Variants in ATP9A observed in about 807,000 individuals in gnomAD.
The protein encoded by ATP9A is ATPase phospholipid transporting 9A.
ATP9A carries 52 observed loss-of-function variants against 144.1 expected under a neutral mutation model. That is an observed-to-expected ratio of 0.36 (90% CI 0.29 to 0.45). The LOEUF (loss-of-function observed/expected upper bound fraction) is 0.45. Among genes scored for constraint, ATP9A ranks in the 20% least tolerant of loss-of-function variants. ATP9A has a pLI of 1.00. For synonymous variants in ATP9A, 582 were observed against 557.4 expected, an observed-to-expected ratio of 1.04 and a Z score of -0.62; for missense variants, 947 against 1,392.7, an observed-to-expected ratio of 0.68 and a Z score of 5.09.
chr20:51,747,416 A>G (rs1437212509), intron 1 of ATP9A, among the ~76,000 whole-genome samples: 1 of 152,158 alleles, frequency 6.6e-6, no homozygotes, highest in Non-Finnish European at 1.5e-5. Context: ...CGGAAATGAC[A>G]AAGGCACCCC....
At chr20:51,623,962 TCTC>T (rs749356616) in intron 18 of ATP9A, among the ~76,000 whole-genome samples, 8 of 152,062 alleles carry the variant, frequency 5.3e-5, no homozygotes, top group Admixed American at 1.3e-4. Flanking sequence ...GAATAAAATA[TCTC>T]GTCTTGGGCT....
intron 13 of ATP9A, among the ~76,000 whole-genome samples, chr20:51,661,480 C>A (rs1216276763): frequency 3.3e-5 from 5 of 150,996 alleles, no homozygotes; most frequent in African/African-American, 7.3e-5. Flanking sequence ...CCTCCCACCT[C>A]AGCCTTCTGA....
rs577793250 is a variant in ATP9A at position 51,710,246 on chromosome 20, C to T, written c.436+2720G>A. The stretch of plus-strand genomic sequence containing the variant: ...TAAACCCAGGAGGTGGAGGTTGCAG[C>T]GAGCGAAGATCGCGACATTGCACTC... On this transcript the variant is annotated intron_variant, in intron 4 of 27. Transcript: ENST00000338821. 1.2e-3 allele frequency among the ~76,000 whole-genome samples: 175 copies of T among 151,968 alleles called. 1 individual carries two copies. Among genetic ancestry groups the T allele is most frequent in the Non-Finnish European group, 2.0e-3 (134 of 67,994 alleles).
At chr20:51,638,399 A>AC (rs1462890461) in intron 15 of ATP9A, among the ~76,000 whole-genome samples, 6 of 151,652 alleles carry the variant, frequency 4.0e-5, no homozygotes, top group Non-Finnish European at 8.8e-5. Flanking sequence ...GTGAGGAACC[A>AC]CCCCACTCCA....
At chr20:51,692,386 GCA>G (rs999177550) in intron 7 of ATP9A, among the ~76,000 whole-genome samples, 5 of 152,194 alleles carry the variant, frequency 3.3e-5, no homozygotes, top group African/African-American at 9.7e-5. Flanking sequence ...CGTAAGACAG[GCA>G]CAGTCAGGGG....
intron 3 of ATP9A, among the ~76,000 whole-genome samples, chr20:51,717,154 A>C (rs147774745): frequency 7.0e-6 from 1 of 143,222 alleles, no homozygotes; most frequent in African/African-American, 2.6e-5. Flanking sequence ...CCTGGGTGAC[A>C]GAGCAAGACT....
intron 6 of ATP9A, 144 bp from the exon 7 acceptor site, chr20:51,694,246 T>C: frequency 1.7e-6 from 1 of 596,768 alleles, no homozygotes; most frequent in South Asian, 2.1e-5. Flanking sequence ...TATCTCCTAC[T>C]TCTTCCATAA....
chr20:51,642,496 A>G (rs2077323745), intron 14 of ATP9A, among the ~76,000 whole-genome samples: 1 of 151,814 alleles, frequency 6.6e-6, no homozygotes, highest in Admixed American at 6.6e-5. Context: ...ATTTTCTTAC[A>G]GTTCTATAGA....
At chr20:51,619,168 T>C (rs1601060314) in intron 19 of ATP9A, 125 bp from the exon 20 acceptor site, 1 of 729,426 alleles carries the variant, frequency 1.4e-6, no homozygotes, top group Non-Finnish European at 2.3e-6. Flanking sequence ...TCCCCTCCCC[T>C]GCCACCAGAG....
chr20:51,729,309 CAG>C (rs2077729387), intron 2 of ATP9A, among the ~76,000 whole-genome samples: 1 of 152,116 alleles, frequency 6.6e-6, no homozygotes, highest in Non-Finnish European at 1.5e-5. Context: ...CACAGCCTTG[CAG>C]AGAGAAGGCA....
rs753245790 is a variant in ATP9A at position 51,611,023 on chromosome 20, A to G, written c.2572-858T>C. 1.3e-5 allele frequency among the ~76,000 whole-genome samples: 2 copies of G among 152,180 alleles called. No homozygotes were observed. The highest frequency in any genetic ancestry group is 1.9e-4 in the East Asian group (1 of 5,192). On this transcript the variant is annotated intron_variant, in intron 23 of 27. Coordinates refer to ENST00000338821, the MANE Select transcript of ATP9A (RefSeq NM_006045.3). This position sits in a 1 kb window ranked among gnomAD's most constrained non-coding sequence, Gnocchi z 4.2. Reference sequence around the variant, plus strand: ...CTGTTAGCTCCATCTCTGGACCTCTATGGGCTAACAGAGGAAACACGGTCT... The same window carrying G: ...CTGTTAGCTCCATCTCTGGACCTCTGTGGGCTAACAGAGGAAACACGGTCT...
chr20:51,743,394 T>C (rs956167661), intron 1 of ATP9A, among the ~76,000 whole-genome samples: 11 of 116,790 alleles, frequency 9.4e-5, no homozygotes, highest in Non-Finnish European at 1.4e-4. Context: ...AGACCGAAAC[T>C]GATTTTTTTT....
chr20:51,616,932 T>C lies in ATP9A; in HGVS notation c.2415+558A>G, dbSNP rs183495681. On this transcript the variant is annotated intron_variant, in intron 22 of 27. Transcript: ENST00000338821. ...GTATACTTACCATACCCTAAGAATA[T>C]AGAGAAACTTTTTTTTTTTTTTTTT... Among the ~76,000 whole-genome samples the C allele has an allele frequency of 7.3e-4, 106 of 146,130 alleles. 2 individuals carry two copies. The East Asian group carries it at 0.012, about 17-fold the overall frequency.
In ATP9A at chr20:51,657,116, G is replaced by C. The variant is rs756196040; in HGVS notation, c.1328C>G (p.Thr443Arg). ...GGTCCGCCGGACCTTAGTGGTGAGCGTTGGGCCCTTCTGAGCCGGTGGGTC... is the reference window on the plus strand; with the variant it reads ...GGTCCGCCGGACCTTAGTGGTGAGCCTTGGGCCCTTCTGAGCCGGTGGGTC... Reference protein sequence around the residue: ...SQDPPAQKGPTLTTKVRRTMS... With the variant: ...SQDPPAQKGPRLTTKVRRTMS... The change falls in exon 14 of 28, where the codon ACG (threonine) becomes AGG (arginine). Residue 443 changes from threonine (T) to arginine (R), a missense_variant. Around this residue, in one of 2 missense-constraint regions of ATP9A, gnomAD observed 770 missense variants for 1,047.9 expected, o/e 0.73. Coordinates refer to ENST00000338821, the MANE Select transcript of ATP9A (RefSeq NM_006045.3). The C allele has an allele frequency of 1.2e-6, 2 of 1,614,152 alleles. No homozygotes were observed. Among genetic ancestry groups the C allele is most frequent in the Non-Finnish European group, 1.7e-6 (2 of 1,180,038 alleles).
intron 3 of ATP9A, among the ~76,000 whole-genome samples, chr20:51,718,094 T>C (rs2077670163): frequency 6.6e-6 from 1 of 151,898 alleles, no homozygotes; most frequent in African/African-American, 2.4e-5. Context: ...GCCAGGGCAA[T>C]GGATAAGGGG....
chr20:51,635,784 G>T (rs6126274), intron 15 of ATP9A, among the ~76,000 whole-genome samples: 98,612 of 135,954 alleles, frequency 0.73, 37,478 homozygotes, highest in Middle Eastern at 0.84. Context: ...AGAAAAGGAA[G>T]GAAACAGAGG....
rs775257616 is a variant in ATP9A, at chr20:51,601,188, G to GC, written c.*22dup. 2 of 1,579,862 alleles carry GC rather than the reference G, an allele frequency of 1.3e-6. No homozygotes were observed. Among genetic ancestry groups the GC allele is most frequent in the South Asian group, 2.3e-5 (2 of 85,936 alleles). On this transcript the variant is annotated 3_prime_UTR_variant, in exon 28 of 28. Coordinates refer to ENST00000338821, the MANE Select transcript of ATP9A (RefSeq NM_006045.3). ...CCATCAGGGAAGCGCCAAGACCAGGGCCCCCTCCAGCGAACGCACGGCCTA... is the reference window on the plus strand; with the variant it reads ...CCATCAGGGAAGCGCCAAGACCAGGGCCCCCCTCCAGCGAACGCACGGCCTA...
intron 15 of ATP9A, among the ~76,000 whole-genome samples, chr20:51,630,956 A>C (rs2077267460): frequency 6.6e-6 from 1 of 152,116 alleles, no homozygotes; most frequent in South Asian, 2.1e-4. Context: ...AGGGAGTAAC[A>C]GTATGGACAT....
At chr20:51,746,544 C>CA (rs2077809044) in intron 1 of ATP9A, among the ~76,000 whole-genome samples, 1 of 151,096 alleles carries the variant, frequency 6.6e-6, no homozygotes, top group Non-Finnish European at 1.5e-5. Context: ...ACTACAAACA[C>CA]AAAAATCAGT....
Sources: gnomAD v4.1 joint callset for allele counts (sites outside exome capture counted in the v4.1 genomes callset) on GRCh38, gnomAD v4.1.1 for gene constraint, gnomAD v4.1.1 regional missense constraint, Gnocchi (gnomAD v3.1) non-coding constraint, MANE v1.5 for transcripts, NCBI Gene and HGNC (gene_info 2026-07-23, HGNC 2026-07-21) for gene names.